RNF123: variants seen among roughly 807,000 people sequenced by gnomAD.
RNF123 encodes the protein E3 ubiquitin-protein ligase RNF123.
In RNF123, 86 loss-of-function variants were observed where a neutral mutation model predicts 168.5. The ratio of observed to expected loss-of-function variants is 0.51; its 90% CI spans 0.43 to 0.61. RNF123 has a LOEUF of 0.61. Ranked by LOEUF, RNF123 falls within the 20% of genes least tolerant of loss-of-function variation. RNF123 has a pLI of 0.00. For missense variants in RNF123, 1,419 were observed against 1,729.7 expected, an observed-to-expected ratio of 0.82 and a Z score of 3.19; for synonymous variants, 666 against 689.1, an observed-to-expected ratio of 0.97 and a Z score of 0.52.
chr3:49,710,267 C>A (rs2080118635), intron 26 of RNF123, among the ~76,000 whole-genome samples: 1 of 152,078 alleles, frequency 6.6e-6, no homozygotes, highest in South Asian at 2.1e-4. Flanking sequence ...ATTTGCATAT[C>A]TTTTGTTTGT....
At chr3:49,719,581 C>T (rs894386243) in intron 35 of RNF123, 6 of 932,486 alleles carry the variant, frequency 6.4e-6, no homozygotes, top group South Asian at 5.1e-5. Flanking sequence ...GCCGAGGAGG[C>T]ACGGCGGGTT....
In RNF123 at chr3:49,700,643, A is replaced by G. The variant is rs754482298; in HGVS notation, c.1211A>G (p.Tyr404Cys). The change falls in exon 15 of 39, where the codon TAC becomes TGC. Residue 404 changes from tyrosine to cysteine, a missense_variant. Tyr to Cys is a radical substitution (Grantham distance 194). Transcript: ENST00000327697. The part of the protein sequence containing the change: ...IVPDLGLQIH[Y>C]LRLTIAILRH... Reference sequence around the variant, plus strand: ...AACGCCCCCTCTCCACAGATCCATTACCTGCGGCTCACTATCGCCATCCTG... The same window carrying G: ...AACGCCCCCTCTCCACAGATCCATTGCCTGCGGCTCACTATCGCCATCCTG... 1 of 1,614,054 alleles carries G rather than the reference A, an allele frequency of 6.2e-7. No individual in the cohort carries two copies. The highest frequency in any genetic ancestry group is 1.3e-5 in the African/African-American group (1 of 74,996).
intron 3 of RNF123, among the ~76,000 whole-genome samples, chr3:49,692,393 T>C (rs1384791322): frequency 6.6e-6 from 1 of 152,266 alleles, no homozygotes; most frequent in Admixed American, 6.5e-5. Flanking sequence ...ATAGGGTACA[T>C]GAGATACTTT....
At position 49,691,200 on chromosome 3, in the gene RNF123, G is replaced by A. The variant is rs200056189; in HGVS notation, c.35G>A (p.Arg12His). The change falls in exon 2 of 39, where the codon CGC (arginine) becomes CAC (histidine). Residue 12 changes from arginine to histidine, a missense_variant. This residue lies in a region of RNF123 where 318 missense variants were observed against 446.6 expected (regional missense o/e 0.71). Coordinates refer to ENST00000327697, the MANE Select transcript of RNF123 (RefSeq NM_022064.5). The part of the protein sequence containing the change: ...ASKGAGMSFS[R>H]KSYRLTSDAE... ...AAGGGGGCCGGCATGTCTTTCTCCC[G>A]CAAGAGCTATAGGCTGACCTCAGAT... 10 of 1,613,902 alleles carry A rather than the reference G, an allele frequency of 6.2e-6. No individual in the cohort carries two copies. In the East Asian group the frequency reaches 1.6e-4, roughly 25 times the overall value.
At chr3:49,705,430 C>T in intron 23 of RNF123, 104 bp from the exon 24 acceptor site, 4 of 1,495,490 alleles carry the variant, frequency 2.7e-6, no homozygotes, top group Non-Finnish European at 3.6e-6. Context: ...CGGGTCCCTC[C>T]TTGGGCACAG....
intron 23 of RNF123, 46 bp downstream of exon 23, chr3:49,705,228 C>T (rs1195199352): frequency 6.4e-7 from 1 of 1,557,226 alleles, no homozygotes; most frequent in South Asian, 1.2e-5. Flanking sequence ...GACCCTTCCA[C>T]AGTGTACAGT....
At chr3:49,716,710 G>C in intron 35 of RNF123, 1 of 504,400 alleles carries the variant, frequency 2.0e-6, no homozygotes, top group African/African-American at 1.9e-5. Flanking sequence ...GGCCCACAGA[G>C]CCACTGGCTT....
rs1385300387 is a variant in RNF123 at position 49,699,223 on chromosome 3, T to C, written c.764+118T>C. The stretch of plus-strand genomic sequence containing the variant: ...TGGCAGGCCCTGGCTGCTGCAGAGT[T>C]AGTGGGGGGCCATGTAGAGTGTCGA... On this transcript the variant is annotated intron_variant, in intron 10 of 38. Coordinates refer to ENST00000327697, the MANE Select transcript of RNF123 (RefSeq NM_022064.5). The surrounding 1 kb of genome is among the most constrained non-coding windows in gnomAD (Gnocchi z 4.8). 1 of 1,378,766 alleles carries C rather than the reference T, an allele frequency of 7.3e-7. No homozygotes were observed. The allele number at this position is 1,378,766 out of a possible 1,614,324, so 85.4% of individuals were successfully genotyped here.
In RNF123 at chr3:49,719,437, A is replaced by G; in HGVS notation, c.3501-1074A>G. ...TAACCCAACGCGCAGCATGCAGAGCAGTGTCCCCAGCAGCACCAACCAGGT... is the reference window on the plus strand; with the variant it reads ...TAACCCAACGCGCAGCATGCAGAGCGGTGTCCCCAGCAGCACCAACCAGGT... On this transcript the variant is annotated intron_variant, in intron 35 of 38. Transcript: ENST00000327697. 2.5e-6 allele frequency: 4 copies of G among 1,613,398 alleles called. No homozygotes were observed. The East Asian group carries it at 6.7e-5, about 27-fold the overall frequency.
Position 49,700,242 on chromosome 3 carries a change from G to A in RNF123, c.1000G>A (p.Val334Met). The change falls in exon 13 of 39, where the codon GTG becomes ATG. Residue 334 changes from valine to methionine, a missense_variant. Physicochemically the swap from Val to Met is conservative, Grantham distance 21. This residue lies in a region of RNF123 where 318 missense variants were observed against 446.6 expected (regional missense o/e 0.71). Coordinates refer to ENST00000327697, the MANE Select transcript of RNF123 (RefSeq NM_022064.5). ...FAPLLRKVYL[V>M]EAVLMSFLLG... ...CTTGGTGCAGCGCAAGGTGTATCTGGTGGAGGCTGTGCTCATGAGCTTCTT... is the reference window on the plus strand; with the variant it reads ...CTTGGTGCAGCGCAAGGTGTATCTGATGGAGGCTGTGCTCATGAGCTTCTT... The A allele has an allele frequency of 6.2e-7, 1 of 1,614,204 alleles. No individual in the cohort carries two copies. The highest frequency in any genetic ancestry group is 2.2e-5 in the East Asian group (1 of 44,878).
At chr3:49,704,482 G>A (rs2054471623) in intron 21 of RNF123, among the ~76,000 whole-genome samples, 168 bp from the exon 22 acceptor site, 1 of 152,144 alleles carries the variant, frequency 6.6e-6, no homozygotes, top group Non-Finnish European at 1.5e-5. Flanking sequence ...GAGATGCAGA[G>A]TGAAGGCTGG....
chr3:49,713,538 G>C lies in RNF123; in HGVS notation c.2700G>C (p.Leu900=), dbSNP rs375193155. ...LPGYEETLTR[L]AAILAKHFAD... ...GCTATGAAGAGACCCTGACCCGCCT[G>C]GCTGCCATTCTCGCCAAACACTTTG... The change falls in exon 28 of 39, where the codon CTG becomes CTC. Residue 900 remains leucine, a synonymous_variant. Transcript: ENST00000327697. 7.8e-5 allele frequency: 126 copies of C among 1,611,938 alleles called. No individual in the cohort carries two copies. Among genetic ancestry groups the C allele is most frequent in the Non-Finnish European group, 1.0e-4 (119 of 1,179,254 alleles).
In RNF123 at chr3:49,700,210, GC is replaced by G; in HGVS notation, c.985-15del. 6.2e-7 allele frequency: 1 copy of G among 1,613,832 alleles called. No individual in the cohort carries two copies. Among genetic ancestry groups the G allele is most frequent in the Non-Finnish European group, 8.5e-7 (1 of 1,179,936 alleles). On this transcript the variant is annotated splice_polypyrimidine_tract_variant and intron_variant, in intron 12 of 38. Transcript: ENST00000327697. ...AGTGGAAGGCCACCACCTCACCAGT[GC>G]CTGGCCTTGGTGCAGCGCAAGGTGT...
rs1248756932 is a variant in RNF123 at position 49,697,947 on chromosome 3, C to T, written c.397+8C>T. Reference sequence around the variant, plus strand: ...CCACATGCGTGTACAAAGGTGAGACCTTACCCTGCTGTGGCCTAGGTAGTG... The same window carrying T: ...CCACATGCGTGTACAAAGGTGAGACTTTACCCTGCTGTGGCCTAGGTAGTG... On this transcript the variant is annotated splice_region_variant and intron_variant, in intron 6 of 38. Transcript: ENST00000327697. The T allele has an allele frequency of 6.2e-7, 1 of 1,614,208 alleles. No individual in the cohort carries two copies. The highest frequency in any genetic ancestry group is 8.5e-7 in the Non-Finnish European group (1 of 1,180,030).
intron 23 of RNF123, 94 bp from the exon 24 acceptor site, chr3:49,705,440 G>C: frequency 1.3e-6 from 2 of 1,507,826 alleles, no homozygotes; most frequent in South Asian, 2.7e-5. Context: ...CTTGGGCACA[G>C]GAATGGGAGA....
chr3:49,716,052 C>A (rs367919738), intron 33 of RNF123, 42 bp downstream of exon 33: 1 of 1,613,486 alleles, frequency 6.2e-7, no homozygotes, highest in Non-Finnish European at 8.5e-7. Context: ...CTGGGGATGC[C>A]CCATTGATGA....
intron 27 of RNF123, chr3:49,713,264 T>C (rs2080177754): frequency 1.7e-6 from 1 of 594,206 alleles, no homozygotes; most frequent in Non-Finnish European, 3.0e-6. Context: ...GTGTGTGTGC[T>C]GAGATGGGTT....
At position 49,721,428 on chromosome 3, in the gene RNF123, T is replaced by G; in HGVS notation, c.*123T>G. 1 of 1,321,250 alleles carries G rather than the reference T, an allele frequency of 7.6e-7. No homozygotes were observed. Among genetic ancestry groups the G allele is most frequent in the Non-Finnish European group, 1.1e-6 (1 of 915,332 alleles). The allele number at this position is 1,321,250 out of a possible 1,614,324, so 81.8% of individuals were successfully genotyped here. A position where few individuals can be genotyped will look rare whatever the true frequency, so the allele number is the denominator to read the frequency against. ...CACCACCACATCCAACCTCCTTGCC[T>G]GCCTGTATCCTCATTGGTGGGAGCC... On this transcript the variant is annotated 3_prime_UTR_variant, in exon 39 of 39. Transcript: ENST00000327697.
chr3:49,699,539 T>C lies in RNF123; in HGVS notation c.836T>C (p.Leu279Pro). 2.5e-6 allele frequency: 4 copies of C among 1,613,218 alleles called. No individual in the cohort carries two copies. The highest frequency in any genetic ancestry group is 3.4e-6 in the Non-Finnish European group (4 of 1,179,764). The change falls in exon 11 of 39, where the codon CTG (leucine) becomes CCG (proline). Residue 279 changes from leucine (L) to proline (P), a missense_variant. By Grantham distance (98) the Leu-to-Pro change is moderately conservative (BLOSUM62 -3). Coordinates refer to ENST00000327697, the MANE Select transcript of RNF123 (RefSeq NM_022064.5). This position sits in a 1 kb window ranked among gnomAD's most constrained non-coding sequence, Gnocchi z 4.8. ...SADLVRAQRL[L>P]GCFRAVLSVE... Reference sequence around the variant, plus strand: ...GACCTGGTGCGGGCACAGAGGTTGCTGGGCTGCTTCCGGGCAGTGCTGAGT... The same window carrying C: ...GACCTGGTGCGGGCACAGAGGTTGCCGGGCTGCTTCCGGGCAGTGCTGAGT...
Sources: allele counts gnomAD v4.1 joint callset (sites outside exome capture counted in the v4.1 genomes callset), GRCh38; gene constraint gnomAD v4.1.1; regional missense constraint gnomAD v4.1.1; non-coding constraint Gnocchi (gnomAD v3.1); transcripts MANE v1.5; gene names NCBI Gene and HGNC (gene_info 2026-07-23, HGNC 2026-07-21).